Variants in KCNC1 observed in about 807,000 individuals in gnomAD.
KCNC1 encodes the protein voltage-gated potassium channel KCNC1.
In KCNC1, 8 loss-of-function variants were observed where a neutral mutation model predicts 43.4. The observed-to-expected ratio is 0.18, with a 90% CI of 0.11 to 0.33. KCNC1 has a LOEUF of 0.33. Ranked by LOEUF, KCNC1 falls within the 10% of genes least tolerant of loss-of-function variation. The pLI is 1.00. For missense variants in KCNC1, 420 were observed against 836.0 expected, an observed-to-expected ratio of 0.50 and a Z score of 6.14; for synonymous variants, 361 against 360.5, an observed-to-expected ratio of 1.00 and a Z score of -0.01.
At chr11:17,740,996 G>A (rs1848834245) in intron 1 of KCNC1, among the ~76,000 whole-genome samples, 1 of 152,106 alleles carries the variant, frequency 6.6e-6, no homozygotes, top group Admixed American at 6.5e-5. Flanking sequence ...TATTATCAGG[G>A]GATTCTAGGC....
In KCNC1 at chr11:17,776,141, G is replaced by GGGTAA. The variant is rs1849284725; in HGVS notation, c.1505-3315_1505-3314insGGTAA. 1 of 985,304 alleles carries GGGTAA rather than the reference G, an allele frequency of 1.0e-6. No homozygotes were observed. The highest frequency in any genetic ancestry group is 1.2e-6 in the Non-Finnish European group (1 of 829,976). The allele number at this position is 985,304 out of a possible 1,614,324, so 61.0% of individuals were successfully genotyped here. A position where few individuals can be genotyped will look rare whatever the true frequency, so the allele number is the denominator to read the frequency against. On this transcript the variant is annotated intron_variant, in intron 2 of 3. Coordinates refer to ENST00000265969, the MANE Select transcript of KCNC1 (RefSeq NM_001112741.2). The surrounding 1 kb of genome is among the most constrained non-coding windows in gnomAD (Gnocchi z 4.4). The stretch of plus-strand genomic sequence containing the variant: ...GGAAGTAGCGGAGAAATGAAGTGAC[G>GGGTAA]CCAGGGGCCAGGCATGGGTGTTCTT...
In KCNC1 at chr11:17,740,000, TC is replaced by T. The variant is rs1253472270; in HGVS notation, c.570+3429del. 1.3e-5 allele frequency among the ~76,000 whole-genome samples: 2 copies of T among 152,194 alleles called. No homozygotes were observed. Among genetic ancestry groups the T allele is most frequent in the Admixed American group, 6.5e-5 (1 of 15,286 alleles). ...GCCTAACTGAGGGCATTTCCTTTCC[TC>T]AGTAGAGATGCTTTTCTGCCCAGGC... On this transcript the variant is annotated intron_variant, in intron 1 of 3. Transcript: ENST00000265969. This position sits in a 1 kb window ranked among gnomAD's most constrained non-coding sequence, Gnocchi z 4.2.
rs1848805743 is a variant in KCNC1, at chr11:17,739,165, C to T, written c.570+2593C>T. On this transcript the variant is annotated intron_variant, in intron 1 of 3. Transcript: ENST00000265969. This position sits in a 1 kb window ranked among gnomAD's most constrained non-coding sequence, Gnocchi z 4.2. ...GTCACCTTTGTTTACCCCTCCCCCA[C>T]ACGGGGCCCCGAGACTCCTCACACC... Among the ~76,000 whole-genome samples, 1 of 152,196 alleles carries T rather than the reference C, an allele frequency of 6.6e-6. No homozygotes were observed. The highest frequency in any genetic ancestry group is 1.5e-5 in the Non-Finnish European group (1 of 68,042).
chr11:17,750,871 A>C (rs1403242261), intron 1 of KCNC1, among the ~76,000 whole-genome samples: 1 of 152,192 alleles, frequency 6.6e-6, no homozygotes, highest in African/African-American at 2.4e-5. Context: ...TGCTTCCAGA[A>C]AACCTTTCCT....
intron 1 of KCNC1, among the ~76,000 whole-genome samples, chr11:17,754,354 G>A (rs1482864181): frequency 1.3e-5 from 2 of 152,204 alleles, no homozygotes; most frequent in African/African-American, 4.8e-5. Context: ...TACCAGTGTA[G>A]CGCTTCCGTT....
rs1422635180 is a variant in KCNC1 at position 17,776,480 on chromosome 11, T to C, written c.1505-2976T>C. 1 of 985,354 alleles carries C rather than the reference T, an allele frequency of 1.0e-6. No individual in the cohort carries two copies. Among genetic ancestry groups the C allele is most frequent in the Non-Finnish European group, 1.2e-6 (1 of 829,958 alleles). The allele number at this position is 985,354 out of a possible 1,614,324, so 61.0% of individuals were successfully genotyped here. A position where few individuals can be genotyped will look rare whatever the true frequency, so the allele number is the denominator to read the frequency against. On this transcript the variant is annotated intron_variant, in intron 2 of 3. Transcript: ENST00000265969. This position sits in a 1 kb window ranked among gnomAD's most constrained non-coding sequence, Gnocchi z 4.4. ...TGGAGACCAGGGCAGAAAAGCCAGC[T>C]GTGCTGACTGAGGGCCCAGCCTCGG...
At chr11:17,767,141 A>T (rs1398391700) in intron 1 of KCNC1, among the ~76,000 whole-genome samples, 5 of 151,002 alleles carry the variant, frequency 3.3e-5, no homozygotes, top group Non-Finnish European at 4.4e-5. Context: ...TAAAAAAAAA[A>T]AAAAATTAGC....
intron 1 of KCNC1, among the ~76,000 whole-genome samples, chr11:17,760,512 T>C (rs533297727): frequency 6.6e-6 from 1 of 152,258 alleles, no homozygotes; most frequent in East Asian, 1.9e-4. Context: ...TCCTGATTGG[T>C]CCTTCTGGGG....
intron 1 of KCNC1, among the ~76,000 whole-genome samples, chr11:17,738,171 C>G (rs1402828116): frequency 6.6e-6 from 1 of 152,130 alleles, no homozygotes; most frequent in Non-Finnish European, 1.5e-5. Flanking sequence ...GAACTCAATT[C>G]TCCTGGGACC....
chr11:17,770,523 T>G (rs958372260), intron 1 of KCNC1, among the ~76,000 whole-genome samples: 6 of 152,122 alleles, frequency 3.9e-5, no homozygotes, highest in Non-Finnish European at 7.4e-5. Flanking sequence ...TGCCCCAGAA[T>G]CCAGTCTGAG....
intron 1 of KCNC1, among the ~76,000 whole-genome samples, chr11:17,753,910 G>A (rs1219742729): frequency 5.3e-5 from 8 of 152,178 alleles, no homozygotes; most frequent in East Asian, 3.9e-4. Flanking sequence ...GTTCTGCCCC[G>A]TAGACAGGAC....
intron 1 of KCNC1, among the ~76,000 whole-genome samples, chr11:17,741,306 G>T (rs373499944): frequency 1.8e-3 from 270 of 147,840 alleles, no homozygotes; most frequent in South Asian, 8.6e-3. Flanking sequence ...TGGGAATAAA[G>T]TTAGAACCGT....
intron 2 of KCNC1, chr11:17,774,526 C>A: frequency 4.1e-6 from 4 of 985,634 alleles, no homozygotes; most frequent in Non-Finnish European, 4.8e-6. Context: ...CCCCTGCCCC[C>A]CAGGGAGTGC....
chr11:17,764,328 CA>C (rs2046578140), intron 1 of KCNC1, among the ~76,000 whole-genome samples: 1 of 150,544 alleles, frequency 6.6e-6, no homozygotes, highest in African/African-American at 2.5e-5. Context: ...TACACACATG[CA>C]AACACTCCAT....
chr11:17,763,642 C>CCCA (rs1849106431), intron 1 of KCNC1, among the ~76,000 whole-genome samples: 1 of 119,190 alleles, frequency 8.4e-6, no homozygotes, highest in African/African-American at 3.2e-5. Flanking sequence ...ACACACACCC[C>CCCA]CACACCACAC....
rs140936613 is a variant in KCNC1, at chr11:17,765,298, C to T, written c.571-6367C>T. 6.7e-3 allele frequency among the ~76,000 whole-genome samples: 1,024 copies of T among 152,322 alleles called. 11 individuals carry two copies. The highest frequency in any genetic ancestry group is 8.4e-3 in the Non-Finnish European group (571 of 68,028). On this transcript the variant is annotated intron_variant, in intron 1 of 3. Transcript: ENST00000265969. ...CCCCAAGGCGAACCCCCGAACAGCT[C>T]CGATCCGAAAGGCAAGCACAATTTT... is the stretch of plus-strand genomic sequence containing the variant.
In KCNC1 at chr11:17,777,067, G is replaced by T. The variant is rs939644859; in HGVS notation, c.1505-2389G>T. On this transcript the variant is annotated intron_variant, in intron 2 of 3. Coordinates refer to ENST00000265969, the MANE Select transcript of KCNC1 (RefSeq NM_001112741.2). This position sits in a 1 kb window ranked among gnomAD's most constrained non-coding sequence, Gnocchi z 4.3. ...TATCATCCCTCCAGGGATCCCTGAT[G>T]GATGTTCCTTGTCCCCTGCCCAAAA... 7 of 985,108 alleles carry T rather than the reference G, an allele frequency of 7.1e-6. No homozygotes were observed. In the African/African-American group the frequency reaches 1.2e-4, roughly 17 times the overall value. 61.0% of individuals were successfully genotyped at this position (985,108 alleles called of 1,614,324 possible).
rs377428130 is a variant in KCNC1, at chr11:17,762,555, C to T, written c.571-9110C>T. Among the ~76,000 whole-genome samples the T allele has an allele frequency of 5.7e-4, 87 of 152,302 alleles. 1 individual carries two copies. Among genetic ancestry groups the T allele is most frequent in the African/African-American group, 1.9e-3 (79 of 41,564 alleles). On this transcript the variant is annotated intron_variant, in intron 1 of 3. Coordinates refer to ENST00000265969, the MANE Select transcript of KCNC1 (RefSeq NM_001112741.2). ...AGGCCTGAAAAGCAGGCGGGTGTGACGTCACGGTCCTGCCGTTTCTGCTCC... is the reference window on the plus strand; with the variant it reads ...AGGCCTGAAAAGCAGGCGGGTGTGATGTCACGGTCCTGCCGTTTCTGCTCC...
chr11:17,751,282 A>T (rs1008866440), intron 1 of KCNC1, among the ~76,000 whole-genome samples: 3 of 152,208 alleles, frequency 2.0e-5, no homozygotes, highest in African/African-American at 7.2e-5. Context: ...GTAATGGACG[A>T]ATAGATGAAA....
Sources: allele counts gnomAD v4.1 joint callset (sites outside exome capture counted in the v4.1 genomes callset), GRCh38; gene constraint gnomAD v4.1.1; non-coding constraint Gnocchi (gnomAD v3.1); transcripts MANE v1.5; gene names NCBI Gene and HGNC (gene_info 2026-07-23, HGNC 2026-07-21).